The following AK8 variants were observed in gnomAD, a reference collection of about 807,000 sequenced individuals.
The protein encoded by AK8 is adenylate kinase 8.
AK8 carries 44 observed loss-of-function variants against 54.6 expected under a neutral mutation model. That is an observed-to-expected ratio of 0.81 (90% CI 0.63 to 1.04). The LOEUF (loss-of-function observed/expected upper bound fraction) is 1.04. AK8 is among the 50% of genes least tolerant of loss of function. AK8 has a pLI of 0.00. For synonymous variants in AK8, 239 were observed against 245.6 expected (o/e 0.97, Z 0.25); for missense variants, 555 against 613.6 (o/e 0.90, Z 1.01).
In AK8 at chr9:132,789,097, C is replaced by A. The variant is rs527920413; in HGVS notation, c.1121+3537G>T. Among the ~76,000 whole-genome samples the A allele has an allele frequency of 2.3e-3, 356 of 152,022 alleles. 4 individuals are homozygous for A. Among genetic ancestry groups the A allele is most frequent in the African/African-American group, 8.4e-3 (349 of 41,448 alleles). ...GATCACAAAGTCAGGAGATCGAGAC[C>A]ATCCTGGCTAACACGGTGAAACCCC... On this transcript the variant is annotated intron_variant, in intron 11 of 12. Transcript: ENST00000298545.
At chr9:132,814,411 G>A (rs575966810) in intron 10 of AK8, among the ~76,000 whole-genome samples, 1 of 151,706 alleles carries the variant, frequency 6.6e-6, no homozygotes, top group African/African-American at 2.4e-5. Context: ...AAACCATCAG[G>A]GATAACCCCC....
intron 11 of AK8, among the ~76,000 whole-genome samples, chr9:132,756,633 G>A (rs1428998306): frequency 5.3e-5 from 8 of 152,140 alleles, no homozygotes; most frequent in African/African-American, 1.9e-4. Flanking sequence ...GGAAATGCCG[G>A]CATCTCACTG....
chr9:132,878,568 C>T, upstream of AK8: 1 of 1,138,642 alleles, frequency 8.8e-7, no homozygotes, highest in Non-Finnish European at 1.1e-6. This position sits in a 1 kb window ranked among gnomAD's most constrained non-coding sequence, Gnocchi z 4.7. Flanking sequence ...GGCAAGTCGG[C>T]CCTCCGAGGG....
At chr9:132,835,590 G>T (rs557503391) in intron 5 of AK8, among the ~76,000 whole-genome samples, 22 of 152,330 alleles carry the variant, frequency 1.4e-4, no homozygotes, top group African/African-American at 3.8e-4. Context: ...CAGCCAATGT[G>T]TGACTTTCAA....
intron 3 of AK8, among the ~76,000 whole-genome samples, chr9:132,865,926 G>T (rs755405312): frequency 3.3e-5 from 5 of 152,166 alleles, no homozygotes; most frequent in Non-Finnish European, 7.3e-5. Context: ...GGCTGGGCGT[G>T]GTGGCTCACG....
At chr9:132,796,174 G>A (rs538940934) in intron 10 of AK8, among the ~76,000 whole-genome samples, 158 of 152,240 alleles carry the variant, frequency 1.0e-3, no homozygotes, top group Middle Eastern at 6.8e-3. Flanking sequence ...CCTGATCCCC[G>A]GCCCATAACA....
chr9:132,758,184 T>A (rs957678932), intron 11 of AK8, among the ~76,000 whole-genome samples: 1 of 152,216 alleles, frequency 6.6e-6, no homozygotes, highest in African/African-American at 2.4e-5. Flanking sequence ...AAAACAGAAG[T>A]GCAACTACAG....
chr9:132,810,854 A>G (rs982468333), intron 10 of AK8, among the ~76,000 whole-genome samples: 36 of 152,354 alleles, frequency 2.4e-4, no homozygotes, highest in African/African-American at 8.7e-4. Flanking sequence ...GACTTGAAAC[A>G]GAGATAAAAT....
chr9:132,869,967 G>A (rs989957417), intron 2 of AK8, among the ~76,000 whole-genome samples: 10 of 151,948 alleles, frequency 6.6e-5, no homozygotes, highest in Non-Finnish European at 1.5e-4. Flanking sequence ...CCTCTCCAGG[G>A]CTCTGACCAC....
At chr9:132,872,784 C>A (rs111326027) in intron 2 of AK8, among the ~76,000 whole-genome samples, 2,472 of 152,212 alleles carry the variant, frequency 0.016, 75 homozygotes, top group African/African-American at 0.057. Flanking sequence ...CAGGTGTGTG[C>A]TGCCAAGCCT....
intron 6 of AK8, 35 bp from the exon 7 acceptor site, chr9:132,828,119 G>A: frequency 1.3e-6 from 2 of 1,547,262 alleles, no homozygotes; most frequent in Non-Finnish European, 1.8e-6. Context: ...AACCAGGCAT[G>A]TCGGGCAGCG....
At chr9:132,784,117 G>C (rs902358864) in intron 11 of AK8, among the ~76,000 whole-genome samples, 3 of 152,222 alleles carry the variant, frequency 2.0e-5, no homozygotes, top group Admixed American at 1.3e-4. Flanking sequence ...AACCAAGACT[G>C]AGCTATGGCC....
chr9:132,865,744 C>T (rs547716052), intron 3 of AK8, among the ~76,000 whole-genome samples: 3 of 151,424 alleles, frequency 2.0e-5, no homozygotes, highest in Admixed American at 6.6e-5. Flanking sequence ...ACCCAGGAGG[C>T]GGAGGTCGCA....
chr9:132,739,756 C>T (rs1203352735), intron 11 of AK8, among the ~76,000 whole-genome samples: 1 of 152,140 alleles, frequency 6.6e-6, no homozygotes. Flanking sequence ...AATAAAAAGT[C>T]AACTTCTACT....
intron 11 of AK8, among the ~76,000 whole-genome samples, chr9:132,774,267 G>T (rs1210947168): frequency 6.6e-6 from 1 of 152,168 alleles, no homozygotes; most frequent in Admixed American, 6.5e-5. Context: ...CTCATGGGGG[G>T]GTTGGGGGTG....
In AK8 at chr9:132,866,909, T is replaced by C. The variant is rs764411196; in HGVS notation, c.214A>G (p.Thr72Ala). ...ACTTAATATGATACACTTACTATTG[T>C]TGTTTTCCCTGAGGCGGGTGGACCT... ...ILGPPASGKT[T>A]IAMWLCKHLN... is the part of the protein sequence containing the mutation. The change falls in exon 3 of 13, where the codon ACA (threonine) becomes GCA (alanine). Residue 72 changes from threonine to alanine, a missense_variant. Coordinates refer to ENST00000298545, the MANE Select transcript of AK8 (RefSeq NM_152572.3). 1 of 1,614,066 alleles carries C rather than the reference T, an allele frequency of 6.2e-7. No homozygotes were observed. Among genetic ancestry groups the C allele is most frequent in the Non-Finnish European group, 8.5e-7 (1 of 1,179,906 alleles).
In AK8 at chr9:132,878,172, C is replaced by T. The variant is rs1191581156; in HGVS notation, c.84G>A (p.Gln28=). The change falls in exon 1 of 13, where the codon CAG becomes CAA. Residue 28 remains glutamine (Q), a splice_region_variant and synonymous_variant. Coordinates refer to ENST00000298545, the MANE Select transcript of AK8 (RefSeq NM_152572.3). This position sits in a 1 kb window ranked among gnomAD's most constrained non-coding sequence, Gnocchi z 4.7. The stretch of plus-strand genomic sequence containing the variant: ...GCGACGGGCAGGGGTGTCCGGTCAC[C>T]TGCATCAACTCGAAGATGTGGTTCT... The part of the protein sequence containing the change: ...GEENHIFELM[Q]NMLEQLLIHQ... The T allele has an allele frequency of 6.7e-7, 1 of 1,502,210 alleles. No individual in the cohort carries two copies. The highest frequency in any genetic ancestry group is 8.9e-7 in the Non-Finnish European group (1 of 1,124,762). 93.1% of individuals were successfully genotyped at this position (1,502,210 alleles called of 1,614,324 possible).
rs747724625 is a variant in AK8 at position 132,725,913 on chromosome 9, C to T, written c.1215G>A (p.Met405Ile). The change falls in exon 13 of 13, where the codon ATG (methionine) becomes ATA (isoleucine). Residue 405 changes from methionine (M) to isoleucine (I), a missense_variant. By Grantham distance (10) the Met-to-Ile change is conservative. Coordinates refer to ENST00000298545, the MANE Select transcript of AK8 (RefSeq NM_152572.3). ...DPVTGERYHL[M>I]YKPPPTMEIQ... ...TCTCCATGGTGGGAGGTGGCTTGTA[C>T]ATGAGGTGGTACCTGCAAGGGAGGA... The T allele has an allele frequency of 1.4e-5, 22 of 1,611,298 alleles. No homozygotes were observed. In the East Asian group the frequency reaches 4.2e-4, roughly 31 times the overall value.
At chr9:132,821,077 G>A (rs1175400561) in intron 9 of AK8, among the ~76,000 whole-genome samples, 1 of 151,738 alleles carries the variant, frequency 6.6e-6, no homozygotes, top group East Asian at 1.9e-4. Flanking sequence ...GAAAAATCTA[G>A]GCAGGTAATT....
Sources: gnomAD v4.1 joint callset for allele counts (sites outside exome capture counted in the v4.1 genomes callset) on GRCh38, gnomAD v4.1.1 for gene constraint, Gnocchi (gnomAD v3.1) non-coding constraint, MANE v1.5 for transcripts, NCBI Gene and HGNC (gene_info 2026-07-23, HGNC 2026-07-21) for gene names.